PNPT1: variants seen among roughly 807,000 people sequenced by gnomAD.
PNPT1 encodes polyribonucleotide nucleotidyltransferase 1.
A neutral mutation model predicts 119.5 loss-of-function variants in PNPT1; 53 were observed. That is an observed-to-expected ratio of 0.44 (90% confidence interval 0.36 to 0.56). The LOEUF is 0.56. PNPT1 is among the 20% of genes least tolerant of loss of function. The probability of loss-of-function intolerance (pLI) is 0.00; values close to 1 mark genes in which losing one functional copy is unlikely to be tolerated. For synonymous variants in PNPT1, 357 were observed against 322.1 expected, an observed-to-expected ratio of 1.11 and a Z score of -1.16; for missense variants, 948 against 938.5, an observed-to-expected ratio of 1.01 and a Z score of -0.13.
chr2:55,685,146 C>T, intron 3 of PNPT1, 98 bp from the exon 4 acceptor site: 1 of 775,778 alleles, frequency 1.3e-6, no homozygotes, highest in Non-Finnish European at 1.9e-6. Context: ...ACAACACAGT[C>T]TAGACTCAGA....
chr2:55,638,187 A>C (rs528566566), intron 26 of PNPT1, among the ~76,000 whole-genome samples: 99 of 151,994 alleles, frequency 6.5e-4, no homozygotes, highest in African/African-American at 2.3e-3. Flanking sequence ...CTGTAGTCCC[A>C]GCTACTTGGG....
chr2:55,686,431 G>C lies in PNPT1; in HGVS notation c.236C>G (p.Ala79Gly), dbSNP rs748785356. ...GSAVVQSGDTAVMVTAVSKTK... is the reference protein window; with the variant it reads ...GSAVVQSGDTGVMVTAVSKTK... ...TTTACTGACCGCTGTGACCATTACT[G>C]CAGTGTCACCTGACTTAAACATAAA... The change falls in exon 3 of 28, where the codon GCA becomes GGA. Residue 79 changes from alanine to glycine, a missense_variant. Physicochemically the swap from Ala to Gly is moderately conservative, Grantham distance 60. Coordinates refer to ENST00000447944, the MANE Select transcript of PNPT1 (RefSeq NM_033109.5). 5 of 1,613,602 alleles carry C rather than the reference G, an allele frequency of 3.1e-6. No homozygotes were observed. The South Asian group carries it at 5.5e-5, about 18-fold the overall frequency.
Position 55,646,321 on chromosome 2 carries a change from G to C in PNPT1, c.1676C>G (p.Ala559Gly), listed in dbSNP as rs149843729. 5.6e-5 allele frequency: 91 copies of C among 1,610,760 alleles called. No homozygotes were observed. The African/African-American group carries it at 1.1e-3, about 20-fold the overall frequency. The change falls in exon 21 of 28, where the codon GCT becomes GGT. Residue 559 changes from alanine (A) to glycine (G), a missense_variant and splice_region_variant. Transcript: ENST00000447944. ...TGGTATTCCAGGTAATTTAATATCA[G>C]CCTAATATGGAAAAGTCAAACAATT... Reference protein sequence around the residue: ...GTNKGITALQADIKLPGIPIK... With the variant: ...GTNKGITALQGDIKLPGIPIK...
At chr2:55,645,700 C>CT (rs1465901604) in intron 21 of PNPT1, among the ~76,000 whole-genome samples, 1 of 152,068 alleles carries the variant, frequency 6.6e-6, no homozygotes, top group East Asian at 1.9e-4. Context: ...TGTGCTTCTT[C>CT]TTTTTTTAAA....
chr2:55,673,649 T>C (rs544012750), intron 8 of PNPT1, among the ~76,000 whole-genome samples: 1 of 152,126 alleles, frequency 6.6e-6, no homozygotes, highest in East Asian at 1.9e-4. Flanking sequence ...GGGGTTTCAC[T>C]GTGTTAGCCA....
At chr2:55,678,031 A>G (rs931513899) in intron 8 of PNPT1, among the ~76,000 whole-genome samples, 3 of 152,116 alleles carry the variant, frequency 2.0e-5, no homozygotes, top group Non-Finnish European at 4.4e-5. Context: ...GTGAGCCACT[A>G]TGCCCGGCCA....
At chr2:55,669,659 A>C (rs1294749530) in intron 11 of PNPT1, among the ~76,000 whole-genome samples, 2 of 152,330 alleles carry the variant, frequency 1.3e-5, no homozygotes, top group African/African-American at 4.8e-5. Context: ...AATATTCGCT[A>C]TAAAATTTCT....
intron 25 of PNPT1, among the ~76,000 whole-genome samples, chr2:55,642,213 AG>A (rs1435338530): frequency 6.6e-6 from 1 of 152,182 alleles, no homozygotes; most frequent in Admixed American, 6.5e-5. Context: ...AGAAAAAAAA[AG>A]AAATAAAGAA....
rs1696758412 is a variant in PNPT1 at position 55,667,113 on chromosome 2, A to C, written c.1074-20T>G. 1 of 1,548,202 alleles carries C rather than the reference A, an allele frequency of 6.5e-7. No homozygotes were observed. The highest frequency in any genetic ancestry group is 8.9e-7 in the Non-Finnish European group (1 of 1,121,280). ...TCGCACCTATAGTGATATAGGAAAT[A>C]AGTACATTAAGTAACGCTGGAAACA... On this transcript the variant is annotated intron_variant, in intron 12 of 27. Transcript: ENST00000447944.
intron 18 of PNPT1, among the ~76,000 whole-genome samples, chr2:55,649,863 T>G (rs1431023977): frequency 6.6e-6 from 1 of 152,218 alleles, no homozygotes; most frequent in Non-Finnish European, 1.5e-5. Flanking sequence ...TGCTGAAACT[T>G]AACTTTAGAA....
chr2:55,666,305 C>A (rs1372364089), intron 13 of PNPT1, among the ~76,000 whole-genome samples: 3 of 152,040 alleles, frequency 2.0e-5, no homozygotes, highest in African/African-American at 4.8e-5. Context: ...GTAGTCCAGG[C>A]TGGAGTGCAA....
rs189010431 is a variant in PNPT1, at chr2:55,649,028, T to C, written c.1496-1575A>G. Among the ~76,000 whole-genome samples the C allele has an allele frequency of 2.8e-3, 433 of 152,322 alleles. 2 individuals are homozygous for C. The highest frequency in any genetic ancestry group is 3.9e-3 in the Non-Finnish European group (265 of 68,032). On this transcript the variant is annotated intron_variant, in intron 18 of 27. Transcript: ENST00000447944. ...CGATTTTAACCACCATCTATAATGT[T>C]GATGACTTAAAAATCTATCCCTCCT...
chr2:55,692,323 A>G (rs1697642954), intron 1 of PNPT1, among the ~76,000 whole-genome samples: 1 of 152,182 alleles, frequency 6.6e-6, no homozygotes, highest in African/African-American at 2.4e-5. Context: ...CACTTTGCAC[A>G]AGAAAATGGT....
intron 1 of PNPT1, among the ~76,000 whole-genome samples, chr2:55,691,401 T>C (rs1182625515): frequency 1.3e-5 from 2 of 152,250 alleles, no homozygotes; most frequent in Non-Finnish European, 2.9e-5. Flanking sequence ...ATAATGTGCC[T>C]GGTACATAGT....
chr2:55,637,751 C>T (rs1224527654), intron 26 of PNPT1, 152 bp from the exon 27 acceptor site: 7 of 644,136 alleles, frequency 1.1e-5, no homozygotes, highest in Non-Finnish European at 1.9e-5. Flanking sequence ...AATTCCAGCA[C>T]TTTGGGAGGC....
intron 18 of PNPT1, 88 bp downstream of exon 18, chr2:55,654,812 G>A (rs1696332262): frequency 2.4e-6 from 3 of 1,251,720 alleles, no homozygotes; most frequent in Non-Finnish European, 2.3e-6. Context: ...CCAGCCTCAA[G>A]TGAGCCTCCT....
intron 11 of PNPT1, among the ~76,000 whole-genome samples, chr2:55,669,508 T>C (rs1696839025): frequency 6.6e-6 from 1 of 152,202 alleles, no homozygotes; most frequent in African/African-American, 2.4e-5. Flanking sequence ...TTTAATATCT[T>C]TTCTGCTTAA....
chr2:55,666,905 C>A, intron 13 of PNPT1, 86 bp downstream of exon 13: 2 of 827,572 alleles, frequency 2.4e-6, no homozygotes, highest in Admixed American at 3.2e-5. Context: ...TATGACAAAA[C>A]CTACAGCATC....
rs1248289946 is a variant in PNPT1, at chr2:55,637,401, C to T, written c.2196+151G>A. 4.1e-6 allele frequency: 3 copies of T among 727,562 alleles called. No individual in the cohort carries two copies. The Admixed American group carries it at 7.6e-5, about 18-fold the overall frequency. The allele number at this position is 727,562 out of a possible 1,614,324, so 45.1% of individuals were successfully genotyped here. A position where few individuals can be genotyped will look rare whatever the true frequency, so the allele number is the denominator to read the frequency against. ...ATTGTGTCTTAAATCCTTAATGAGT[C>T]TGTTCAAGCAATTCTAAGATTAAAA... On this transcript the variant is annotated intron_variant, in intron 27 of 27. Coordinates refer to ENST00000447944, the MANE Select transcript of PNPT1 (RefSeq NM_033109.5).
Sources: gnomAD v4.1 joint callset for allele counts (sites outside exome capture counted in the v4.1 genomes callset) on GRCh38, gnomAD v4.1.1 for gene constraint, MANE v1.5 for transcripts, NCBI Gene and HGNC (gene_info 2026-07-23, HGNC 2026-07-21) for gene names.